The following PCGF3 variants were observed in gnomAD, a reference collection of about 807,000 sequenced individuals.
PCGF3 encodes polycomb group RING finger protein 3.
In PCGF3, 7 loss-of-function variants were observed where a neutral mutation model predicts 33.1. That is an observed-to-expected ratio of 0.21 (90% CI 0.12 to 0.40). The LOEUF (loss-of-function observed/expected upper bound fraction) is 0.40. Among genes scored for constraint, PCGF3 ranks in the 10% least tolerant of loss-of-function variants. The pLI is 1.00. For missense variants in PCGF3, 211 were observed against 313.3 expected, an observed-to-expected ratio of 0.67 and a Z score of 2.46; for synonymous variants, 153 against 121.3, an observed-to-expected ratio of 1.26 and a Z score of -1.72.
chr4:734,971 C>T, exon 5 of PCGF3: 1 of 1,613,706 alleles, frequency 6.2e-7, no homozygotes, highest in South Asian at 1.1e-5. Context: ...AGGAGAACAA[C>T]ACCTGCCCCA....
chr4:710,425 G>T (rs1452514156), intron 1 of PCGF3, among the ~76,000 whole-genome samples: 1 of 152,220 alleles, frequency 6.6e-6, no homozygotes, highest in Non-Finnish European at 1.5e-5. Flanking sequence ...TTGAGGGGAG[G>T]GGACTCCAAA....
At position 765,908 on chromosome 4, in the gene PCGF3, T is replaced by C. The variant is rs1487248588; in HGVS notation, c.682-124T>C. ...CTGTTGCTCAGAACAGAAGGGTCTC[T>C]GTGCAGCCCTGCATGTGGACTGTGC... On this transcript the variant is annotated intron_variant, in intron 10 of 10. Transcript: ENST00000362003. The C allele has an allele frequency of 3.7e-6, 3 of 813,106 alleles. No individual in the cohort carries two copies. In the African/African-American group the frequency reaches 5.0e-5, roughly 14 times the overall value. The allele number at this position is 813,106 out of a possible 1,614,324, so 50.4% of individuals were successfully genotyped here. A position where few individuals can be genotyped will look rare whatever the true frequency, so the allele number is the denominator to read the frequency against.
chr4:765,112 CTT>C, intron 10 of PCGF3, 48 bp downstream of exon 10: 1 of 1,289,126 alleles, frequency 7.8e-7, no homozygotes, highest in Non-Finnish European at 1.1e-6. Context: ...ATGGCAGTGA[CTT>C]TGCTGTGCAT....
chr4:706,265 A>T (rs1376879604), intron 1 of PCGF3, among the ~76,000 whole-genome samples: 3 of 143,472 alleles, frequency 2.1e-5, no homozygotes, highest in Non-Finnish European at 3.1e-5. Context: ...AGGGAGGGCA[A>T]GACCCCAGCC....
At chr4:739,894 G>A (rs1386153699) in intron 6 of PCGF3, among the ~76,000 whole-genome samples, 1 of 152,218 alleles carries the variant, frequency 6.6e-6, no homozygotes, top group African/African-American at 2.4e-5. Context: ...GGGCACGGTG[G>A]CCCCGAGCCG....
intron 8 of PCGF3, chr4:757,561 C>T (rs1257841573): frequency 2.6e-5 from 4 of 152,242 alleles, no homozygotes; most frequent in Admixed American, 2.6e-4. Context: ...TGTGATATTT[C>T]TGTTCTTAAA....
intron 8 of PCGF3, among the ~76,000 whole-genome samples, chr4:750,583 C>T (rs144259758): frequency 3.7e-4 from 56 of 152,232 alleles, no homozygotes; most frequent in African/African-American, 1.3e-3. Flanking sequence ...GAGATTGCCT[C>T]GAGGTTTTTA....
chr4:752,446 G>A (rs745349873), intron 8 of PCGF3, among the ~76,000 whole-genome samples: 23 of 152,194 alleles, frequency 1.5e-4, no homozygotes, highest in Non-Finnish European at 2.9e-4. Flanking sequence ...GGGAGCAGCC[G>A]GCGGGTTTCA....
chr4:737,599 T>C, intron 6 of PCGF3, 78 bp downstream of exon 6: 1 of 899,308 alleles, frequency 1.1e-6, no homozygotes, highest in Non-Finnish European at 1.8e-6. Context: ...GAAGTTTGGT[T>C]CTCGGATGGG....
chr4:769,938 G>A (rs1383627652), exon 11 of PCGF3: 3 of 152,590 alleles, frequency 2.0e-5, no homozygotes, highest in African/African-American at 7.2e-5. Context: ...CTTTGTGTTG[G>A]TGTGTAATTT....
At chr4:734,073 CAG>C in intron 4 of PCGF3, 1 of 1,550,738 alleles carries the variant, frequency 6.4e-7, no homozygotes, top group Non-Finnish European at 8.7e-7. Flanking sequence ...GCCGCTGTGA[CAG>C]TGCTCACTGC....
intron 1 of PCGF3, among the ~76,000 whole-genome samples, chr4:719,343 C>T (rs1242810798): frequency 1.3e-5 from 2 of 152,224 alleles, no homozygotes; most frequent in Non-Finnish European, 1.5e-5. Flanking sequence ...TGGTCGTCTC[C>T]AGCGGGAAGG....
chr4:743,813 C>T (rs527251941), intron 7 of PCGF3: 60 of 437,496 alleles, frequency 1.4e-4, no homozygotes, highest in African/African-American at 3.4e-4. Flanking sequence ...GAGGGCCCCC[C>T]GAGAGTGTCT....
intron 9 of PCGF3, among the ~76,000 whole-genome samples, chr4:764,240 CCCTGTA>C (rs1258808046): frequency 6.6e-6 from 1 of 152,170 alleles, no homozygotes; most frequent in Non-Finnish European, 1.5e-5. Context: ...GACGGGAACT[CCCTGTA>C]CCTTCCTCTC....
At chr4:722,483 C>A (rs368376168) in intron 1 of PCGF3, 6 of 272,990 alleles carry the variant, frequency 2.2e-5, no homozygotes, top group Non-Finnish European at 4.2e-5. Context: ...ATCAGAGACA[C>A]ATCCATTCAC....
intron 1 of PCGF3, among the ~76,000 whole-genome samples, chr4:729,775 A>G (rs955007101): frequency 1.3e-5 from 2 of 152,246 alleles, no homozygotes; most frequent in Non-Finnish European, 2.9e-5. Flanking sequence ...AAGAGTAGAA[A>G]TGATACAAAC....
intron 1 of PCGF3, among the ~76,000 whole-genome samples, chr4:724,448 C>A (rs1743242347): frequency 6.6e-6 from 1 of 152,238 alleles, no homozygotes; most frequent in South Asian, 2.1e-4. Flanking sequence ...GGAGCCCATG[C>A]TGTGGGCTGG....
Position 722,301 on chromosome 4 carries a change from TA to T in PCGF3, c.-189-8328del, listed in dbSNP as rs567278896. 1.5e-4 allele frequency: 25 copies of T among 171,572 alleles called. No individual in the cohort carries two copies. In the East Asian group the frequency reaches 2.6e-3, roughly 18 times the overall value. The allele number at this position is 171,572 out of a possible 1,614,324, so 10.6% of individuals were successfully genotyped here. On this transcript the variant is annotated intron_variant, in intron 1 of 10. Transcript: ENST00000362003. ...AAACAAAAAGCAGAAGCTACTGTGT[TA>T]TCCAGACGGCTGTGTGCTGCAGGCG...
chr4:712,737 C>T (rs558878287), intron 1 of PCGF3, among the ~76,000 whole-genome samples: 38 of 152,322 alleles, frequency 2.5e-4, no homozygotes, highest in African/African-American at 8.2e-4. Flanking sequence ...TGAGCCACCG[C>T]GCCCGGCCAA....
Sources: allele counts gnomAD v4.1 joint callset (sites outside exome capture counted in the v4.1 genomes callset), GRCh38; gene constraint gnomAD v4.1.1; transcripts MANE v1.5; gene names NCBI Gene and HGNC (gene_info 2026-07-23, HGNC 2026-07-21).